The following NOX3 variants were observed in gnomAD, a reference collection of about 807,000 sequenced individuals.
The protein encoded by NOX3 is NADPH oxidase 3.
NOX3 carries 74 observed loss-of-function variants against 76.7 expected under a neutral mutation model. The ratio of observed to expected loss-of-function variants is 0.96; its 90% CI spans 0.80 to 1.17. The LOEUF (loss-of-function observed/expected upper bound fraction) is 1.17, where lower values mean the gene tolerates loss of function less well. Ranked by LOEUF, NOX3 falls within the 50% of genes most tolerant of loss-of-function variation. The pLI, the probability that NOX3 is intolerant of heterozygous loss-of-function variation, is 0.00. For synonymous variants in NOX3, 263 were observed against 261.1 expected, an observed-to-expected ratio of 1.01 and a Z score of -0.07; for missense variants, 695 against 703.3, an observed-to-expected ratio of 0.99 and a Z score of 0.13.
chr6:155,410,296 A>AGTGTGTGTGTGTGTGTGTGTGTGTGT (rs142349696), intron 11 of NOX3, among the ~76,000 whole-genome samples: 1 of 149,346 alleles, frequency 6.7e-6, no homozygotes, highest in African/African-American at 2.5e-5. Flanking sequence ...CTATAAGGCC[A>AGTGTGTGTGTGTGTGTGTGTGTGTGT]GTGTGTGTGT....
chr6:155,454,072 T>C (rs184487430), intron 3 of NOX3, among the ~76,000 whole-genome samples: 1 of 152,128 alleles, frequency 6.6e-6, no homozygotes. Context: ...AAAAAGTACA[T>C]GCTTTAATTA....
chr6:155,443,219 C>A, intron 5 of NOX3, 54 bp downstream of exon 5: 1 of 1,564,568 alleles, frequency 6.4e-7, no homozygotes, highest in South Asian at 1.2e-5. Context: ...GATTAGAGGA[C>A]TGGAAAAGGA....
chr6:155,420,733 C>T (rs73567323), intron 10 of NOX3, among the ~76,000 whole-genome samples: 4,578 of 152,140 alleles, frequency 0.03, 198 homozygotes, highest in African/African-American at 0.1. Flanking sequence ...ATAAGTATGA[C>T]GAAAAGATGG....
intron 10 of NOX3, among the ~76,000 whole-genome samples, chr6:155,416,082 T>C (rs943646331): frequency 2.6e-5 from 4 of 152,180 alleles, no homozygotes; most frequent in Non-Finnish European, 5.9e-5. Flanking sequence ...CGGTGTGTGC[T>C]AAACTCACCT....
chr6:155,438,879 G>C (rs1776944870), intron 6 of NOX3, among the ~76,000 whole-genome samples: 1 of 152,244 alleles, frequency 6.6e-6, no homozygotes, highest in African/African-American at 2.4e-5. Flanking sequence ...AGGAGTTGCT[G>C]CTGGCAAGCC....
intron 9 of NOX3, among the ~76,000 whole-genome samples, chr6:155,425,821 A>G (rs1776748372): frequency 6.6e-6 from 1 of 152,118 alleles, no homozygotes; most frequent in African/African-American, 2.4e-5. Context: ...ATAGCTGGAA[A>G]CTCCATCAAC....
chr6:155,441,024 G>T (rs1468866462), intron 5 of NOX3, among the ~76,000 whole-genome samples: 1 of 152,168 alleles, frequency 6.6e-6, no homozygotes, highest in Non-Finnish European at 1.5e-5. Flanking sequence ...ATCAATAAAG[G>T]TACAGCTATT....
intron 12 of NOX3, among the ~76,000 whole-genome samples, chr6:155,398,123 C>T (rs1253992677): frequency 2.0e-5 from 3 of 152,176 alleles, no homozygotes; most frequent in Non-Finnish European, 2.9e-5. Flanking sequence ...TTTTTCCAAT[C>T]TCTAGTATAA....
chr6:155,439,869 C>A, intron 6 of NOX3, 87 bp downstream of exon 6: 1 of 1,257,620 alleles, frequency 8.0e-7, no homozygotes, highest in Non-Finnish European at 1.1e-6. Context: ...TCACCGCACG[C>A]CGGCTCCTTC....
intron 8 of NOX3, among the ~76,000 whole-genome samples, chr6:155,430,226 C>T (rs1409477856): frequency 1.3e-5 from 2 of 152,112 alleles, no homozygotes; most frequent in Non-Finnish European, 2.9e-5. Flanking sequence ...TTGGTCTACC[C>T]CTTCCCGTCT....
chr6:155,441,098 T>C (rs1232938756), intron 5 of NOX3, among the ~76,000 whole-genome samples: 1 of 152,164 alleles, frequency 6.6e-6, no homozygotes, highest in Non-Finnish European at 1.5e-5. Context: ...GACAGTAAAA[T>C]AGCCTTTTAG....
chr6:155,430,144 C>T (rs918137885), intron 8 of NOX3, among the ~76,000 whole-genome samples: 3 of 152,146 alleles, frequency 2.0e-5, no homozygotes, highest in African/African-American at 7.2e-5. Flanking sequence ...AGAGTTTCTT[C>T]TTGGACATTT....
intron 7 of NOX3, among the ~76,000 whole-genome samples, chr6:155,434,303 G>T (rs1261196252): frequency 6.6e-6 from 1 of 152,194 alleles, no homozygotes; most frequent in East Asian, 1.9e-4. Flanking sequence ...ATGAGTTGAT[G>T]CTGTGGTTAA....
chr6:155,412,292 C>T (rs1021865857), intron 10 of NOX3, among the ~76,000 whole-genome samples: 1 of 152,096 alleles, frequency 6.6e-6, no homozygotes, highest in Non-Finnish European at 1.5e-5. Context: ...TCTCTTCTCT[C>T]CCTCTCTGCC....
At chr6:155,408,734 A>G (rs1226301886) in intron 11 of NOX3, among the ~76,000 whole-genome samples, 1 of 152,228 alleles carries the variant, frequency 6.6e-6, no homozygotes, top group Non-Finnish European at 1.5e-5. Context: ...TGGACAAAGA[A>G]AACGTGTTAT....
chr6:155,443,709 T>A (rs547559436), intron 4 of NOX3, among the ~76,000 whole-genome samples: 44 of 152,272 alleles, frequency 2.9e-4, no homozygotes, highest in African/African-American at 1.1e-3. Context: ...AATGTTATGA[T>A]ATCTCAGCAT....
chr6:155,427,303 G>A (rs1776770869), intron 9 of NOX3, among the ~76,000 whole-genome samples: 1 of 152,094 alleles, frequency 6.6e-6, no homozygotes, highest in African/African-American at 2.4e-5. Flanking sequence ...AGCCCAGGGT[G>A]CAGTTACAGC....
At position 155,396,959 on chromosome 6, in the gene NOX3, G is replaced by C; in HGVS notation, c.1584C>G (p.Ser528Arg). Reference protein sequence around the residue: ...FKQIAYNHPSSSIGVFFCGPK... With the variant: ...FKQIAYNHPSRSIGVFFCGPK... ...GTCCACAGAAGAACACGCCAATACT[G>C]CTGCTGCAGTAGGGGTAAGAAAAGG... Residue 528 changes from serine (S) to arginine (R), a missense_variant, in exon 13 of 14, where the codon AGC (serine) becomes AGG (arginine). Physicochemically the swap from Ser to Arg is moderately radical, Grantham distance 110. Coordinates refer to ENST00000159060, the MANE Select transcript of NOX3 (RefSeq NM_015718.3). 6.2e-7 allele frequency: 1 copy of C among 1,606,206 alleles called. No homozygotes were observed. Among genetic ancestry groups the C allele is most frequent in the South Asian group, 1.1e-5 (1 of 89,284 alleles).
In NOX3 at chr6:155,440,995, G is replaced by C. The variant is rs965280939; in HGVS notation, c.487-858C>G. ...GCCATCTCCGGGGGCCTGGAATAAGGCTTGGTAAATCCTAGGTGATCAATA... is the reference window on the plus strand; with the variant it reads ...GCCATCTCCGGGGGCCTGGAATAAGCCTTGGTAAATCCTAGGTGATCAATA... On this transcript the variant is annotated intron_variant, in intron 5 of 13. Transcript: ENST00000159060. Among the ~76,000 whole-genome samples, 4 of 152,300 alleles carry C rather than the reference G, an allele frequency of 2.6e-5. No homozygotes were observed. In the East Asian group the frequency reaches 5.8e-4, roughly 22 times the overall value.
Sources: gnomAD v4.1 joint callset for allele counts (sites outside exome capture counted in the v4.1 genomes callset) on GRCh38, gnomAD v4.1.1 for gene constraint, MANE v1.5 for transcripts, NCBI Gene and HGNC (gene_info 2026-07-23, HGNC 2026-07-21) for gene names.